Variants in GFPT2 observed in about 807,000 individuals in gnomAD.
The protein encoded by GFPT2 is glutamine--fructose-6-phosphate aminotransferase [isomerizing] 2.
GFPT2 carries 62 observed loss-of-function variants against 85.6 expected under a neutral mutation model. The ratio of observed to expected loss-of-function variants is 0.72; its 90% CI spans 0.59 to 0.90. GFPT2 has a LOEUF of 0.90. Among genes scored for constraint, GFPT2 ranks in the 40% least tolerant of loss-of-function variants. The pLI is 0.00. For synonymous variants in GFPT2, 368 were observed against 344.5 expected, an observed-to-expected ratio of 1.07 and a Z score of -0.75; for missense variants, 788 against 893.4, an observed-to-expected ratio of 0.88 and a Z score of 1.50.
chr5:180,301,603 G>A lies in GFPT2; in HGVS notation c.2010C>T (p.Asp670=), dbSNP rs1300229611. ...HLAVLRGYDV[D]FPRNLAKSVT... is the part of the protein sequence containing the mutation. ...CAGACTTGGCCAGATTTCTGGGGAA[G>A]TCAACCTAAAATGAAAGAAAGTGAC... Residue 670 remains aspartate (D), a synonymous_variant, in exon 19 of 19, where the codon GAC becomes GAT. Transcript: ENST00000253778. 6.2e-7 allele frequency: 1 copy of A among 1,613,308 alleles called. No homozygotes were observed. Among genetic ancestry groups the A allele is most frequent in the East Asian group, 2.2e-5 (1 of 44,884 alleles).
At chr5:180,335,687 G>C (rs62404951) in intron 4 of GFPT2, 141 bp downstream of exon 4, 114 of 866,226 alleles carry the variant, frequency 1.3e-4, no homozygotes, top group Non-Finnish European at 1.8e-4. Context: ...CTGGGAGAGG[G>C]GACATCCGCA....
At chr5:180,332,277 T>C (rs1764317916) in intron 4 of GFPT2, among the ~76,000 whole-genome samples, 1 of 151,802 alleles carries the variant, frequency 6.6e-6, no homozygotes, top group South Asian at 2.1e-4. Flanking sequence ...GGGGATGCGG[T>C]GAGGGATGTC....
chr5:180,331,955 C>T (rs999214633), intron 4 of GFPT2, among the ~76,000 whole-genome samples: 1 of 152,192 alleles, frequency 6.6e-6, no homozygotes, highest in Non-Finnish European at 1.5e-5. Context: ...GCTTTAGGCA[C>T]AAAGAGGTCG....
intron 1 of GFPT2, among the ~76,000 whole-genome samples, chr5:180,343,660 A>G (rs1764560026): frequency 6.6e-6 from 1 of 152,272 alleles, no homozygotes; most frequent in Non-Finnish European, 1.5e-5. Context: ...AATAGCGTTC[A>G]CGCTGTGCTC....
intron 1 of GFPT2, among the ~76,000 whole-genome samples, chr5:180,343,604 C>T (rs983572688): frequency 3.3e-5 from 5 of 152,264 alleles, no homozygotes; most frequent in African/African-American, 9.6e-5. Context: ...GCAGCTCATC[C>T]TCTTGGCTGG....
chr5:180,338,979 AG>A (rs1764457171), intron 1 of GFPT2, among the ~76,000 whole-genome samples: 1 of 152,200 alleles, frequency 6.6e-6, no homozygotes, highest in Admixed American at 6.5e-5. Context: ...GCACACATCT[AG>A]GAGTGCCATA....
chr5:180,320,668 G>T lies in GFPT2; in HGVS notation c.795-1712C>A, dbSNP rs1008852170. Among the ~76,000 whole-genome samples the T allele has an allele frequency of 4.6e-5, 7 of 152,158 alleles. 1 individual carries two copies. The highest frequency in any genetic ancestry group is 1.4e-4 in the African/African-American group (6 of 41,450). ...GGCACCTGTAATCCCAGCTACTTGG[G>T]AGGCAGGAGAATCACTTGAACCCAG... On this transcript the variant is annotated intron_variant, in intron 9 of 18. Coordinates refer to ENST00000253778, the MANE Select transcript of GFPT2 (RefSeq NM_005110.4).
chr5:180,306,554 T>C (rs1763781875), intron 16 of GFPT2, among the ~76,000 whole-genome samples: 1 of 152,168 alleles, frequency 6.6e-6, no homozygotes, highest in African/African-American at 2.4e-5. Flanking sequence ...CAGCTTTCTC[T>C]TTCCTGGCGT....
intron 15 of GFPT2, 115 bp from the exon 16 acceptor site, chr5:180,307,418 A>G (rs1581367246): frequency 1.0e-6 from 1 of 987,836 alleles, no homozygotes; most frequent in East Asian, 2.5e-5. Context: ...CACTTAGCAC[A>G]CTTTGCTTCC....
At chr5:180,305,431 T>G (rs1763758278) in intron 16 of GFPT2, among the ~76,000 whole-genome samples, 2 of 152,254 alleles carry the variant, frequency 1.3e-5, no homozygotes, top group Admixed American at 1.3e-4. Context: ...ATTAATTTTT[T>G]TCCTGTGTTC....
At chr5:180,317,614 C>G (rs1026847254) in intron 10 of GFPT2, among the ~76,000 whole-genome samples, 1 of 147,160 alleles carries the variant, frequency 6.8e-6, no homozygotes, top group Non-Finnish European at 1.5e-5. Flanking sequence ...AAAAAATTAG[C>G]CGGGCGTAGT....
At position 180,342,014 on chromosome 5, in the gene GFPT2, G is replaced by A. The variant is rs149273295; in HGVS notation, c.8-3414C>T. Among the ~76,000 whole-genome samples, 499 of 152,264 alleles carry A rather than the reference G, an allele frequency of 3.3e-3. 3 individuals carry two copies. The highest frequency in any genetic ancestry group is 0.011 in the African/African-American group (469 of 41,552). ...AGGAGGTAAATGAATCATGGGGGCGGCTCTTTCCCATGCTGTTCTCGTGAG... is the reference window on the plus strand; with the variant it reads ...AGGAGGTAAATGAATCATGGGGGCGACTCTTTCCCATGCTGTTCTCGTGAG... On this transcript the variant is annotated intron_variant, in intron 1 of 18. Transcript: ENST00000253778.
intron 9 of GFPT2, among the ~76,000 whole-genome samples, chr5:180,322,920 C>T (rs1371613084): frequency 6.6e-6 from 1 of 151,790 alleles, no homozygotes; most frequent in Non-Finnish European, 1.5e-5. Context: ...CCTGTAGTCC[C>T]AGCTACTCAG....
chr5:180,331,037 CAGA>C, intron 5 of GFPT2: 1 of 573,624 alleles, frequency 1.7e-6, no homozygotes, highest in Non-Finnish European at 3.1e-6. Context: ...CATCCCACCT[CAGA>C]AGCTCACCCT....
chr5:180,332,630 C>T (rs1440641782), intron 4 of GFPT2, among the ~76,000 whole-genome samples: 8 of 152,148 alleles, frequency 5.3e-5, no homozygotes, highest in African/African-American at 9.7e-5. Flanking sequence ...TGCTGCCTCC[C>T]GGGTTCAAGC....
chr5:180,348,777 C>G (rs1052993150), intron 1 of GFPT2, among the ~76,000 whole-genome samples: 72 of 148,068 alleles, frequency 4.9e-4, no homozygotes, highest in African/African-American at 1.7e-3. Flanking sequence ...GGGTCTTGCT[C>G]TGTCGCCAGG....
At position 180,300,707 on chromosome 5, in the gene GFPT2, T is replaced by C. The variant is rs1428823643; in HGVS notation, c.*857A>G. ...TGCAAACACACACAAAAAAACTGTA[T>C]GTTCTTTATTGTCCTAAAATTGCAT... On this transcript the variant is annotated 3_prime_UTR_variant, in exon 19 of 19. Coordinates refer to ENST00000253778, the MANE Select transcript of GFPT2 (RefSeq NM_005110.4). 1 of 152,658 alleles carries C rather than the reference T, an allele frequency of 6.6e-6. No homozygotes were observed. Among genetic ancestry groups the C allele is most frequent in the African/African-American group, 2.4e-5 (1 of 41,462 alleles). The allele number at this position is 152,658 out of a possible 1,614,324, so 9.5% of individuals were successfully genotyped here.
chr5:180,329,963 C>A (rs901229268), intron 6 of GFPT2, among the ~76,000 whole-genome samples: 1 of 152,220 alleles, frequency 6.6e-6, no homozygotes, highest in Admixed American at 6.5e-5. Context: ...TCCCCAATCT[C>A]TCTCCCTCTC....
rs1394373438 is a variant in GFPT2 at position 180,353,320 on chromosome 5, CTCCG to C, written c.-107_-104del. 20 of 889,920 alleles carry C rather than the reference CTCCG, an allele frequency of 2.2e-5. No homozygotes were observed. The highest frequency in any genetic ancestry group is 2.2e-5 in the Non-Finnish European group (15 of 684,638). The allele number at this position is 889,920 out of a possible 1,614,324, so 55.1% of individuals were successfully genotyped here. On this transcript the variant is annotated 5_prime_UTR_variant, in exon 1 of 19. Transcript: ENST00000253778. ...CCGTGGGCTCCGTGGGCTCCGTGGGCTCCGCGGGCTCCAGCTCCCGTCCGCTCGG... is the reference window on the plus strand; with the variant it reads ...CCGTGGGCTCCGTGGGCTCCGTGGGCCGGGCTCCAGCTCCCGTCCGCTCGG...
Sources: allele counts gnomAD v4.1 joint callset (sites outside exome capture counted in the v4.1 genomes callset), GRCh38; gene constraint gnomAD v4.1.1; transcripts MANE v1.5; gene names NCBI Gene and HGNC (gene_info 2026-07-23, HGNC 2026-07-21).